Variants in TSPAN5 observed in about 807,000 individuals in gnomAD.
The protein encoded by TSPAN5 is tetraspanin 5.
Under a neutral mutation model 37.1 loss-of-function variants are expected in TSPAN5, and 10 were observed. The ratio of observed to expected loss-of-function variants is 0.27; its 90% CI spans 0.17 to 0.46. The LOEUF (loss-of-function observed/expected upper bound fraction) is 0.46. Among genes scored for constraint, TSPAN5 ranks in the 20% least tolerant of loss-of-function variants. TSPAN5 has a pLI of 1.00. For synonymous variants in TSPAN5, 110 were observed against 118.9 expected, an observed-to-expected ratio of 0.93 and a Z score of 0.48; for missense variants, 195 against 326.6, an observed-to-expected ratio of 0.60 and a Z score of 3.11.
chr4:98,472,041 G>A lies in TSPAN5; in HGVS notation c.*481C>T, dbSNP rs1279221110. The A allele has an allele frequency of 6.5e-6, 1 of 152,768 alleles. No homozygotes were observed. Among genetic ancestry groups the A allele is most frequent in the Non-Finnish European group, 1.5e-5 (1 of 68,516 alleles). The allele number at this position is 152,768 out of a possible 1,614,324, so 9.5% of individuals were successfully genotyped here. A position where few individuals can be genotyped will look rare whatever the true frequency, so the allele number is the denominator to read the frequency against. ...AAGTGTTTCCTAAAATGTACATGGA[G>A]GGATGCCCACAAACCACTGCCCTCC... On this transcript the variant is annotated 3_prime_UTR_variant, in exon 8 of 8. Coordinates refer to ENST00000305798, the MANE Select transcript of TSPAN5 (RefSeq NM_005723.4).
chr4:98,532,760 T>C (rs201087026), intron 1 of TSPAN5, among the ~76,000 whole-genome samples: 43 of 152,336 alleles, frequency 2.8e-4, no homozygotes, highest in African/African-American at 9.9e-4. Context: ...GGCATCCCTG[T>C]CTTGTGCCAG....
intron 1 of TSPAN5, among the ~76,000 whole-genome samples, chr4:98,621,881 T>C (rs562254349): frequency 1.4e-5 from 2 of 146,190 alleles, no homozygotes; most frequent in Non-Finnish European, 3.0e-5. Context: ...AAACATACAA[T>C]ATGTGGCCTT....
intron 1 of TSPAN5, among the ~76,000 whole-genome samples, chr4:98,591,718 C>A (rs1197089985): frequency 2.3e-5 from 3 of 130,762 alleles, no homozygotes. Context: ...GGTTTTTTTT[C>A]TTTTTAATGT....
At chr4:98,618,139 G>A (rs7659885) in intron 1 of TSPAN5, among the ~76,000 whole-genome samples, 19,400 of 152,124 alleles carry the variant, frequency 0.13, 1,709 homozygotes, top group African/African-American at 0.24. Context: ...CATTCTATCT[G>A]GCAGCTTTAA....
chr4:98,541,315 C>T (rs186458510), intron 1 of TSPAN5, among the ~76,000 whole-genome samples: 30 of 152,274 alleles, frequency 2.0e-4, no homozygotes, highest in African/African-American at 6.7e-4. Flanking sequence ...CTGAGAGGCT[C>T]ATTTCCTGAA....
At chr4:98,610,802 C>A (rs1053832331) in intron 1 of TSPAN5, among the ~76,000 whole-genome samples, 3 of 152,132 alleles carry the variant, frequency 2.0e-5, no homozygotes, top group African/African-American at 7.2e-5. Flanking sequence ...CAGGGAGGAA[C>A]GAGGACTAAT....
At chr4:98,480,518 C>G (rs1752814258) in intron 4 of TSPAN5, among the ~76,000 whole-genome samples, 1 of 152,216 alleles carries the variant, frequency 6.6e-6, no homozygotes, top group Non-Finnish European at 1.5e-5. Context: ...TTCTCTACTT[C>G]TCTGAGTTAA....
At chr4:98,534,010 A>G (rs1321951083) in intron 1 of TSPAN5, among the ~76,000 whole-genome samples, 5 of 102,212 alleles carry the variant, frequency 4.9e-5, no homozygotes, top group African/African-American at 3.8e-5. Flanking sequence ...TCGTGTCTCT[A>G]TCTCCTTCAG....
chr4:98,530,426 A>G (rs1233162347), intron 1 of TSPAN5, among the ~76,000 whole-genome samples: 2 of 152,234 alleles, frequency 1.3e-5, no homozygotes, highest in Non-Finnish European at 2.9e-5. Flanking sequence ...CAGAGGCAAC[A>G]CAGCTCTAGA....
rs147956813 is a variant in TSPAN5, at chr4:98,570,023, A to G, written c.82-62295T>C. Among the ~76,000 whole-genome samples, 210 of 152,336 alleles carry G rather than the reference A, an allele frequency of 1.4e-3. 1 individual carries two copies. Among genetic ancestry groups the G allele is most frequent in the African/African-American group, 4.9e-3 (203 of 41,574 alleles). On this transcript the variant is annotated intron_variant, in intron 1 of 7. Transcript: ENST00000305798. ...GGTTCTATGATGGGGATGTGCACAGAGTCCAAAGGGAACATCTAAAATAAT... is the reference window on the plus strand; with the variant it reads ...GGTTCTATGATGGGGATGTGCACAGGGTCCAAAGGGAACATCTAAAATAAT...
At chr4:98,575,113 T>C (rs183674688) in intron 1 of TSPAN5, among the ~76,000 whole-genome samples, 101 of 152,184 alleles carry the variant, frequency 6.6e-4, no homozygotes, top group Admixed American at 1.8e-3. Flanking sequence ...GAACACCTCA[T>C]GACACAGGGA....
At chr4:98,544,920 G>T (rs1196001294) in intron 1 of TSPAN5, among the ~76,000 whole-genome samples, 1 of 152,236 alleles carries the variant, frequency 6.6e-6, no homozygotes, top group East Asian at 1.9e-4. Context: ...GATGGTGGAA[G>T]TGTGTGATGG....
chr4:98,573,270 C>T (rs1353659572), intron 1 of TSPAN5, among the ~76,000 whole-genome samples: 1 of 152,124 alleles, frequency 6.6e-6, no homozygotes, highest in Non-Finnish European at 1.5e-5. Context: ...GGCTTAGGGC[C>T]TCCAAATTTT....
At chr4:98,574,780 C>T (rs1579002659) in intron 1 of TSPAN5, 1 of 152,354 alleles carries the variant, frequency 6.6e-6, no homozygotes. Context: ...CGGACCTGAT[C>T]CCCAACAGAC....
chr4:98,558,496 C>A (rs1431789993), intron 1 of TSPAN5, among the ~76,000 whole-genome samples: 2 of 152,174 alleles, frequency 1.3e-5, no homozygotes, highest in Non-Finnish European at 2.9e-5. Flanking sequence ...TGCACCGCTG[C>A]TAGCTAATAT....
At chr4:98,514,381 T>G (rs1301551161) in intron 1 of TSPAN5, among the ~76,000 whole-genome samples, 1 of 152,216 alleles carries the variant, frequency 6.6e-6, no homozygotes, top group Non-Finnish European at 1.5e-5. Context: ...ATAAATGTCT[T>G]TATAGAGGAG....
intron 1 of TSPAN5, among the ~76,000 whole-genome samples, chr4:98,558,867 A>C (rs1245740735): frequency 4.6e-5 from 7 of 152,172 alleles, no homozygotes; most frequent in Admixed American, 4.6e-4. Flanking sequence ...GAAAATGGTA[A>C]TTCCTTTTCT....
chr4:98,561,991 G>A (rs949130014), intron 1 of TSPAN5, among the ~76,000 whole-genome samples: 1 of 152,194 alleles, frequency 6.6e-6, no homozygotes, highest in Non-Finnish European at 1.5e-5. Context: ...ACAGAACTGC[G>A]AATAGTCCAG....
At chr4:98,623,714 G>A (rs1756531018) in intron 1 of TSPAN5, among the ~76,000 whole-genome samples, 1 of 152,124 alleles carries the variant, frequency 6.6e-6, no homozygotes, top group Non-Finnish European at 1.5e-5. Flanking sequence ...TGGCCTTTTT[G>A]AGATACAACC....
Sources: gnomAD v4.1 joint callset for allele counts (sites outside exome capture counted in the v4.1 genomes callset) on GRCh38, gnomAD v4.1.1 for gene constraint, MANE v1.5 for transcripts, NCBI Gene and HGNC (gene_info 2026-07-23, HGNC 2026-07-21) for gene names.